SCD5: variants seen among roughly 807,000 people sequenced by gnomAD.
The protein encoded by SCD5 is stearoyl-CoA desaturase 5.
In SCD5, 20 loss-of-function variants were observed where a neutral mutation model predicts 30.4. The ratio of observed to expected loss-of-function variants is 0.66; its 90% CI spans 0.46 to 0.96. SCD5 has a LOEUF of 0.96. Among genes scored for constraint, SCD5 ranks in the 40% least tolerant of loss-of-function variants. The pLI, the probability that SCD5 is intolerant of heterozygous loss-of-function variation, is 0.00. For synonymous variants in SCD5, 173 were observed against 176.4 expected (o/e 0.98, Z 0.16); for missense variants, 381 against 443.3 (o/e 0.86, Z 1.26).
At chr4:82,700,278 A>G (rs1274654865) in intron 2 of SCD5, among the ~76,000 whole-genome samples, 1 of 152,118 alleles carries the variant, frequency 6.6e-6, no homozygotes, top group African/African-American at 2.4e-5. Flanking sequence ...TTTCCGAATT[A>G]ATGACAAGCA....
chr4:82,789,954 T>G (rs1162553570), intron 1 of SCD5, among the ~76,000 whole-genome samples: 1 of 152,100 alleles, frequency 6.6e-6, no homozygotes, highest in African/African-American at 2.4e-5. Context: ...TTGTTGTTGT[T>G]GTTAGTGTAT....
chr4:82,737,604 A>G (rs1018768228), intron 1 of SCD5, among the ~76,000 whole-genome samples: 2 of 152,200 alleles, frequency 1.3e-5, no homozygotes, highest in African/African-American at 4.8e-5. Context: ...CCAGCTCCCT[A>G]ATGAACTGTA....
chr4:82,718,986 G>C (rs1469481611), intron 1 of SCD5, among the ~76,000 whole-genome samples: 1 of 151,610 alleles, frequency 6.6e-6, no homozygotes, highest in African/African-American at 2.4e-5. Context: ...TTTCCTCCAG[G>C]GTGCGGAGTA....
chr4:82,780,377 C>G (rs766844326), intron 1 of SCD5, among the ~76,000 whole-genome samples: 7 of 152,232 alleles, frequency 4.6e-5, no homozygotes, highest in Non-Finnish European at 1.0e-4. Context: ...ATCTCCCCTT[C>G]TAGATCTCGT....
At chr4:82,729,544 G>A (rs1407044402) in intron 1 of SCD5, among the ~76,000 whole-genome samples, 4 of 152,100 alleles carry the variant, frequency 2.6e-5, no homozygotes, top group Admixed American at 2.0e-4. Context: ...TTTGTCAGTG[G>A]AATAGTAAAT....
At chr4:82,676,869 A>G (rs1302154570) in intron 3 of SCD5, among the ~76,000 whole-genome samples, 1 of 152,262 alleles carries the variant, frequency 6.6e-6, no homozygotes, top group African/African-American at 2.4e-5. Context: ...TTGACAGTGC[A>G]GCAAAATGTG....
intron 1 of SCD5, among the ~76,000 whole-genome samples, chr4:82,705,778 C>A (rs1365617218): frequency 6.6e-6 from 1 of 152,206 alleles, no homozygotes. Flanking sequence ...CTCTACCTCA[C>A]CTCTTAATTG....
At chr4:82,776,931 T>A (rs1721756762) in intron 1 of SCD5, among the ~76,000 whole-genome samples, 1 of 152,214 alleles carries the variant, frequency 6.6e-6, no homozygotes, top group African/African-American at 2.4e-5. Context: ...ACCTGTAGCT[T>A]AGAGATTTTA....
chr4:82,795,833 A>G (rs1158023137), intron 1 of SCD5, among the ~76,000 whole-genome samples: 1 of 150,664 alleles, frequency 6.6e-6, no homozygotes, highest in Admixed American at 6.6e-5. Flanking sequence ...AAAAAAAAAA[A>G]AAGCAGCAGA....
At chr4:82,686,586 A>G (rs1254443861) in intron 2 of SCD5, among the ~76,000 whole-genome samples, 1 of 152,224 alleles carries the variant, frequency 6.6e-6, no homozygotes, top group Non-Finnish European at 1.5e-5. Flanking sequence ...TCCCCATAAC[A>G]GGATTTGATT....
chr4:82,741,863 G>T (rs1256897463), intron 1 of SCD5, among the ~76,000 whole-genome samples: 4 of 127,670 alleles, frequency 3.1e-5, no homozygotes, highest in Non-Finnish European at 6.7e-5. Flanking sequence ...CGGGGGGGGG[G>T]AGTGGGCAGA....
chr4:82,663,400 G>A (rs1728064691), intron 3 of SCD5, among the ~76,000 whole-genome samples: 1 of 152,178 alleles, frequency 6.6e-6, no homozygotes, highest in South Asian at 2.1e-4. Flanking sequence ...TGCTCACAAG[G>A]AAGGTTGGGG....
intron 1 of SCD5, among the ~76,000 whole-genome samples, chr4:82,711,571 T>TA (rs1214677119): frequency 6.6e-6 from 1 of 152,094 alleles, no homozygotes; most frequent in Non-Finnish European, 1.5e-5. Context: ...CCAAGCGTGG[T>TA]AGCACGTGCC....
At chr4:82,716,456 T>C (rs76045836) in intron 1 of SCD5, among the ~76,000 whole-genome samples, 2,877 of 151,990 alleles carry the variant, frequency 0.019, 175 homozygotes, top group African/African-American at 0.066. Context: ...TCCTTATCCA[T>C]GGGTGCCACA....
chr4:82,637,113 T>A (rs1002453990), intron 3 of SCD5, among the ~76,000 whole-genome samples: 12 of 152,240 alleles, frequency 7.9e-5, no homozygotes, highest in Admixed American at 6.5e-4. Context: ...AACACTGTGC[T>A]GGCCAACCCA....
intron 1 of SCD5, among the ~76,000 whole-genome samples, chr4:82,744,548 C>T (rs1720945320): frequency 6.6e-6 from 1 of 152,178 alleles, no homozygotes; most frequent in Non-Finnish European, 1.5e-5. Flanking sequence ...TGCCCAACTT[C>T]ATGCTGGCTG....
In SCD5 at chr4:82,696,241, C is replaced by G. The variant is rs1334269229; in HGVS notation, c.363+9042G>C. Among the ~76,000 whole-genome samples the G allele has an allele frequency of 4.6e-5, 7 of 152,216 alleles. No individual in the cohort carries two copies. The East Asian group carries it at 1.3e-3, about 29-fold the overall frequency. ...CAATAAATATTATCATTAATTAAAA[C>G]TGCTGATTCAATGACTCCTGTAGAC... On this transcript the variant is annotated intron_variant, in intron 2 of 4. Transcript: ENST00000319540.
intron 1 of SCD5, among the ~76,000 whole-genome samples, chr4:82,734,438 CGAG>C (rs1298862450): frequency 6.6e-6 from 1 of 152,188 alleles, no homozygotes; most frequent in Admixed American, 6.5e-5. Context: ...TACGTATAAT[CGAG>C]GAAATTTGTG....
At chr4:82,670,184 T>C (rs924137825) in intron 3 of SCD5, among the ~76,000 whole-genome samples, 1 of 152,028 alleles carries the variant, frequency 6.6e-6, no homozygotes, top group South Asian at 2.1e-4. Context: ...GCATCAGAAC[T>C]AGATATAGCA....
Sources: allele counts gnomAD v4.1 joint callset (sites outside exome capture counted in the v4.1 genomes callset), GRCh38; gene constraint gnomAD v4.1.1; transcripts MANE v1.5; gene names NCBI Gene and HGNC (gene_info 2026-07-23, HGNC 2026-07-21).